LCOR: variants seen among roughly 807,000 people sequenced by gnomAD.
LCOR encodes ligand dependent nuclear receptor corepressor, also known as ligand-dependent corepressor.
LCOR carries 14 observed loss-of-function variants against 64.4 expected under a neutral mutation model. That is an observed-to-expected ratio of 0.22 (90% confidence interval 0.14 to 0.34). The LOEUF (loss-of-function observed/expected upper bound fraction) is 0.34, where lower values mean the gene tolerates loss of function less well. LCOR is among the 10% of genes least tolerant of loss of function. LCOR has a pLI of 1.00. For missense variants in LCOR, 1,686 were observed against 1,765.3 expected, an observed-to-expected ratio of 0.96 and a Z score of 0.80; for synonymous variants, 643 against 642.5, an observed-to-expected ratio of 1.00 and a Z score of -0.01.
intron 7 of LCOR, chr10:96,959,956 C>G (rs935138765): frequency 6.6e-6 from 1 of 152,152 alleles, no homozygotes; most frequent in Non-Finnish European, 1.5e-5. Flanking sequence ...CTCTGGTTAT[C>G]TTATATAAAC....
chr10:96,854,281 C>G (rs746466817), intron 2 of LCOR, among the ~76,000 whole-genome samples: 3 of 152,010 alleles, frequency 2.0e-5, no homozygotes, highest in Non-Finnish European at 4.4e-5. Flanking sequence ...TTACATGGAG[C>G]GAAAAAGAAT....
intron 2 of LCOR, among the ~76,000 whole-genome samples, chr10:96,868,021 A>T (rs1445265622): frequency 6.6e-6 from 1 of 151,654 alleles, no homozygotes; most frequent in South Asian, 2.1e-4. Flanking sequence ...AGTAGCTGGG[A>T]TTACAGGCAT....
chr10:96,878,739 T>C (rs1224223343), intron 2 of LCOR, among the ~76,000 whole-genome samples: 1 of 152,196 alleles, frequency 6.6e-6, no homozygotes, highest in Non-Finnish European at 1.5e-5. Flanking sequence ...GATTTCTCAT[T>C]TCGTCAACTT....
chr10:96,857,541 T>G (rs536771108), intron 2 of LCOR, among the ~76,000 whole-genome samples: 1 of 152,088 alleles, frequency 6.6e-6, no homozygotes, highest in East Asian at 1.9e-4. Context: ...TACTCTTACT[T>G]CTCTCTCAGC....
intron 2 of LCOR, among the ~76,000 whole-genome samples, chr10:96,879,575 C>T (rs150045033): frequency 1.3e-3 from 196 of 152,298 alleles, no homozygotes; most frequent in African/African-American, 4.3e-3. Flanking sequence ...TCATGGTGCT[C>T]TTAGGCAAGA....
At chr10:96,952,014 T>A (rs1847688869) in intron 6 of LCOR, 89 bp from the exon 7 acceptor site, 1 of 852,688 alleles carries the variant, frequency 1.2e-6, no homozygotes, top group African/African-American at 1.7e-5. Flanking sequence ...TGAATAAGCC[T>A]GCTTAACTGC....
intron 2 of LCOR, among the ~76,000 whole-genome samples, chr10:96,842,972 T>C (rs1053184245): frequency 3.3e-5 from 5 of 152,204 alleles, no homozygotes; most frequent in Non-Finnish European, 7.3e-5. Context: ...ACATTGTATG[T>C]AGAGGAAGCG....
intron 2 of LCOR, among the ~76,000 whole-genome samples, chr10:96,855,794 T>G (rs1292845578): frequency 6.6e-6 from 1 of 151,658 alleles, no homozygotes; most frequent in Non-Finnish European, 1.5e-5. Flanking sequence ...CAGGCTGGAG[T>G]GCAATGGTGC....
In LCOR at chr10:96,832,310, G is replaced by T. The variant is rs1482574337; in HGVS notation, c.-493G>T. ...CCGGGCGGGCGGCAGAAGATGGCGAGGGTGTGTAGGCGGCAGCAATGCTCC... is the reference window on the plus strand; with the variant it reads ...CCGGGCGGGCGGCAGAAGATGGCGATGGTGTGTAGGCGGCAGCAATGCTCC... On this transcript the variant is annotated 5_prime_UTR_variant, in exon 1 of 8. The change creates a new upstream start codon in the 5' untranslated region. Transcript: ENST00000421806. 1 of 983,034 alleles carries T rather than the reference G, an allele frequency of 1.0e-6. No individual in the cohort carries two copies. The highest frequency in any genetic ancestry group is 1.2e-6 in the Non-Finnish European group (1 of 828,926). The allele number at this position is 983,034 out of a possible 1,614,324, so 60.9% of individuals were successfully genotyped here. A position where few individuals can be genotyped will look rare whatever the true frequency, so the allele number is the denominator to read the frequency against.
intron 2 of LCOR, among the ~76,000 whole-genome samples, chr10:96,897,250 G>C (rs1177559953): frequency 5.3e-5 from 8 of 152,100 alleles, no homozygotes; most frequent in Admixed American, 3.3e-4. Context: ...TTTGTAGCAG[G>C]GTGTGTTAAA....
intron 4 of LCOR, among the ~76,000 whole-genome samples, chr10:96,927,176 G>A (rs1847183262): frequency 1.3e-5 from 2 of 152,072 alleles, no homozygotes; most frequent in South Asian, 2.1e-4. Flanking sequence ...CCAACATTTG[G>A]TATCATCAGT....
chr10:96,866,512 A>T (rs1845976654), intron 2 of LCOR, among the ~76,000 whole-genome samples: 1 of 152,178 alleles, frequency 6.6e-6, no homozygotes, highest in Non-Finnish European at 1.5e-5. Flanking sequence ...TTGGGTACAT[A>T]CCTAGAAGTG....
intron 4 of LCOR, among the ~76,000 whole-genome samples, chr10:96,921,341 G>A (rs547893874): frequency 1.3e-5 from 2 of 152,036 alleles, no homozygotes; most frequent in African/African-American, 2.4e-5. Flanking sequence ...GAAGCTTTCC[G>A]AACCCTGTTT....
intron 2 of LCOR, among the ~76,000 whole-genome samples, chr10:96,873,688 C>G (rs1448241166): frequency 6.8e-6 from 1 of 147,530 alleles, no homozygotes; most frequent in Non-Finnish European, 1.5e-5. Context: ...CTGTAACCTC[C>G]GTCTCCCTGG....
At position 96,982,251 on chromosome 10, in the gene LCOR, G is replaced by A. The variant is rs148808929; in HGVS notation, c.1791G>A (p.Lys597=). The change falls in exon 8 of 8, where the codon AAG becomes AAA. Residue 597 remains lysine (K), a synonymous_variant. Coordinates refer to ENST00000421806, the MANE Select transcript of LCOR (RefSeq NM_001346516.2). ...EPQEPEVCPT[K]IKPNLSSSPR... is the part of the protein sequence containing the mutation. ...AAGAGCCTGAGGTTTGCCCCACAAA[G>A]ATTAAGCCGAACCTGAGCAGCTCCC... 906 of 1,614,146 alleles carry A rather than the reference G, an allele frequency of 5.6e-4. 5 individuals carry two copies. In the African/African-American group the frequency reaches 0.01, roughly 19 times the overall value.
rs544201591 is a variant in LCOR, at chr10:96,870,042, T to TTTGTTG, written c.-330+36584_-330+36589dup. ...TAAACTTCTAACCATAAGTTCTTTG[T>TTTGTTG]TTGTTGTTGTTGTTGTTGTTGTTGT... On this transcript the variant is annotated intron_variant, in intron 2 of 7. Coordinates refer to ENST00000421806, the MANE Select transcript of LCOR (RefSeq NM_001346516.2). 1.2e-3 allele frequency among the ~76,000 whole-genome samples: 177 copies of TTTGTTG among 150,446 alleles called. 4 individuals are homozygous for TTTGTTG. The highest frequency in any genetic ancestry group is 1.0e-2 in the Admixed American group (152 of 15,216).
intron 2 of LCOR, among the ~76,000 whole-genome samples, chr10:96,906,238 T>C (rs1846725631): frequency 6.6e-6 from 1 of 152,248 alleles, no homozygotes; most frequent in Non-Finnish European, 1.5e-5. Context: ...ATATTTACTT[T>C]ATTGCAGTAA....
chr10:96,894,995 C>A (rs1353850996), intron 2 of LCOR, among the ~76,000 whole-genome samples: 1 of 152,140 alleles, frequency 6.6e-6, no homozygotes, highest in Non-Finnish European at 1.5e-5. Context: ...TCTTTCTAAT[C>A]TTTAAACATT....
intron 7 of LCOR, among the ~76,000 whole-genome samples, chr10:96,979,851 G>C (rs114765073): frequency 0.028 from 4,224 of 152,302 alleles, 201 homozygotes; most frequent in African/African-American, 0.096. Flanking sequence ...TCTTAAAACT[G>C]TTAAGTTCTC....
Sources: gnomAD v4.1 joint callset for allele counts (sites outside exome capture counted in the v4.1 genomes callset) on GRCh38, gnomAD v4.1.1 for gene constraint, MANE v1.5 for transcripts, NCBI Gene and HGNC (gene_info 2026-07-23, HGNC 2026-07-21) for gene names.